The following SENP7 variants were observed in gnomAD, a reference collection of about 807,000 sequenced individuals.
SENP7 encodes the protein sentrin-specific protease 7.
Under a neutral mutation model 141.2 loss-of-function variants are expected in SENP7, and 64 were observed. That is an observed-to-expected ratio of 0.45 (90% CI 0.37 to 0.56). The LOEUF (loss-of-function observed/expected upper bound fraction) is 0.56. Among genes scored for constraint, SENP7 ranks in the 20% least tolerant of loss-of-function variants. The pLI is 0.00. For synonymous variants in SENP7, 382 were observed against 426.4 expected, an observed-to-expected ratio of 0.90 and a Z score of 1.28; for missense variants, 1,025 against 1,212.2, an observed-to-expected ratio of 0.85 and a Z score of 2.29.
In SENP7 at chr3:101,507,213, C is replaced by G. The variant is rs145518863; in HGVS notation, c.40+5878G>C. Reference sequence around the variant, plus strand: ...CCACATCAGCCAGATTCATAAATTACTGAAAACCCAAATGAAAGTTATTCA... The same window carrying G: ...CCACATCAGCCAGATTCATAAATTAGTGAAAACCCAAATGAAAGTTATTCA... On this transcript the variant is annotated intron_variant, in intron 1 of 23. Transcript: ENST00000394095. Among the ~76,000 whole-genome samples, 20 of 152,314 alleles carry G rather than the reference C, an allele frequency of 1.3e-4. 1 individual carries two copies. The highest frequency in any genetic ancestry group is 4.8e-4 in the African/African-American group (20 of 41,564).
chr3:101,462,017 TAG>T (rs2063562355), intron 3 of SENP7, among the ~76,000 whole-genome samples: 1 of 152,116 alleles, frequency 6.6e-6, no homozygotes. Context: ...GTTGGCAGAA[TAG>T]AGAGATAAAT....
intron 3 of SENP7, 68 bp from the exon 4 acceptor site, chr3:101,459,120 T>G (rs551237390): frequency 1.2e-6 from 1 of 864,380 alleles, no homozygotes; most frequent in East Asian, 2.6e-5. Context: ...TAAACTGTTC[T>G]TTTTTATTTG....
chr3:101,349,371 A>C (rs2059555220), intron 12 of SENP7, among the ~76,000 whole-genome samples: 1 of 152,140 alleles, frequency 6.6e-6, no homozygotes, highest in Non-Finnish European at 1.5e-5. Context: ...AACTACTACT[A>C]ATCTAATTGT....
intron 4 of SENP7, among the ~76,000 whole-genome samples, chr3:101,448,566 G>T (rs1295197485): frequency 1.1e-5 from 1 of 88,024 alleles, no homozygotes; most frequent in Non-Finnish European, 2.2e-5. Flanking sequence ...TCCTCTGGAA[G>T]TTTTGTCTCA....
rs1266309837 is a variant in SENP7 at position 101,324,504 on chromosome 3, C to A, written c.*1439G>T. On this transcript the variant is annotated 3_prime_UTR_variant, in exon 24 of 24. Transcript: ENST00000394095. ...AGTCACCTTTAAAAGTACCCCCCAACACACACAAATTGGGAATGAAATATG... is the reference window on the plus strand; with the variant it reads ...AGTCACCTTTAAAAGTACCCCCCAAAACACACAAATTGGGAATGAAATATG... 4 of 152,018 alleles carry A rather than the reference C, an allele frequency of 2.6e-5. No individual in the cohort carries two copies. Among genetic ancestry groups the A allele is most frequent in the African/African-American group, 9.7e-5 (4 of 41,426 alleles). The allele number at this position is 152,018 out of a possible 1,614,324, so 9.4% of individuals were successfully genotyped here. A position where few individuals can be genotyped will look rare whatever the true frequency, so the allele number is the denominator to read the frequency against.
At chr3:101,348,140 C>T in intron 12 of SENP7, 89 bp from the exon 13 acceptor site, 1 of 763,654 alleles carries the variant, frequency 1.3e-6, no homozygotes, top group South Asian at 3.7e-5. Flanking sequence ...TAATACACTA[C>T]TTTTTTTAAA....
chr3:101,367,728 T>C, intron 8 of SENP7, 102 bp downstream of exon 8: 1 of 719,240 alleles, frequency 1.4e-6, no homozygotes, highest in Middle Eastern at 3.9e-4. Context: ...AGAAATCTCA[T>C]AATAAAAGCT....
intron 4 of SENP7, among the ~76,000 whole-genome samples, chr3:101,420,530 CT>C (rs796209799): frequency 6.6e-6 from 1 of 152,112 alleles, no homozygotes. Flanking sequence ...CACAAATATC[CT>C]TTTTTCCTGC....
chr3:101,444,656 A>C (rs2062815705), intron 4 of SENP7, among the ~76,000 whole-genome samples: 1 of 148,234 alleles, frequency 6.7e-6, no homozygotes, highest in Non-Finnish European at 1.5e-5. Context: ...AAAACCAAAC[A>C]CCGTATACTC....
intron 16 of SENP7, 78 bp from the exon 17 acceptor site, chr3:101,337,709 G>A (rs915890211): frequency 2.4e-5 from 29 of 1,184,514 alleles, no homozygotes; most frequent in Admixed American, 5.8e-5. Context: ...TATGTGTTCT[G>A]GAAATCTTTA....
chr3:101,475,016 G>A (rs1023441197), intron 3 of SENP7, among the ~76,000 whole-genome samples: 10 of 152,148 alleles, frequency 6.6e-5, no homozygotes, highest in Non-Finnish European at 1.0e-4. Context: ...GAAAGTGAAG[G>A]GATGTGATGG....
At position 101,325,243 on chromosome 3, in the gene SENP7, T is replaced by C. The variant is rs1191333879; in HGVS notation, c.*700A>G. 1.3e-5 allele frequency: 2 copies of C among 152,022 alleles called. No homozygotes were observed. The highest frequency in any genetic ancestry group is 4.8e-5 in the African/African-American group (2 of 41,354). 9.4% of individuals were successfully genotyped at this position (152,022 alleles called of 1,614,324 possible). On this transcript the variant is annotated 3_prime_UTR_variant, in exon 24 of 24. Coordinates refer to ENST00000394095, the MANE Select transcript of SENP7 (RefSeq NM_020654.5). ...CAGGTAAAATTTTTTGTTTCAAATT[T>C]TACCCTGAACAAATGAACTAAATTA...
intron 4 of SENP7, among the ~76,000 whole-genome samples, chr3:101,420,117 C>T (rs2107667382): frequency 6.6e-6 from 1 of 152,320 alleles, no homozygotes; most frequent in Admixed American, 6.5e-5. Context: ...CCTGTAATCC[C>T]AGCACTTTGG....
At chr3:101,486,455 G>C (rs1259332766) in intron 3 of SENP7, among the ~76,000 whole-genome samples, 1 of 152,186 alleles carries the variant, frequency 6.6e-6, no homozygotes, top group African/African-American at 2.4e-5. Flanking sequence ...GCTATCTTCA[G>C]CCTCCTCAAA....
chr3:101,399,916 G>A (rs868366283), intron 5 of SENP7, among the ~76,000 whole-genome samples: 2 of 152,314 alleles, frequency 1.3e-5, no homozygotes, highest in East Asian at 1.9e-4. Context: ...GTGAGCCACT[G>A]CATCTAGCCT....
intron 4 of SENP7, among the ~76,000 whole-genome samples, chr3:101,445,512 C>A (rs367789125): frequency 6.6e-6 from 1 of 151,424 alleles, no homozygotes; most frequent in Non-Finnish European, 1.5e-5. Flanking sequence ...ATATACAAAA[C>A]AATCAGAGAG....
chr3:101,487,051 G>A (rs2064759084), intron 3 of SENP7, among the ~76,000 whole-genome samples: 1 of 152,154 alleles, frequency 6.6e-6, no homozygotes, highest in African/African-American at 2.4e-5. Flanking sequence ...AAAAGGCTTT[G>A]TCCAACAGGA....
chr3:101,356,041 A>AT (rs916772060), intron 11 of SENP7, among the ~76,000 whole-genome samples: 121 of 151,184 alleles, frequency 8.0e-4, no homozygotes, highest in African/African-American at 2.4e-3. Flanking sequence ...AGTGCTAGTG[A>AT]TTTTTTTTTA....
intron 6 of SENP7, among the ~76,000 whole-genome samples, chr3:101,398,283 C>T (rs2061029293): frequency 6.6e-6 from 1 of 152,082 alleles, no homozygotes; most frequent in African/African-American, 2.4e-5. Context: ...CACGGTGAAA[C>T]CCTGTCTCTA....
Sources: gnomAD v4.1 joint callset for allele counts (sites outside exome capture counted in the v4.1 genomes callset) on GRCh38, gnomAD v4.1.1 for gene constraint, MANE v1.5 for transcripts, NCBI Gene and HGNC (gene_info 2026-07-23, HGNC 2026-07-21) for gene names.